Variants in NDUFAF2 observed in about 807,000 individuals in gnomAD.
NDUFAF2 encodes NADH dehydrogenase [ubiquinone] 1 alpha subcomplex assembly factor 2.
Under a neutral mutation model 22.8 loss-of-function variants are expected in NDUFAF2, and 13 were observed. The ratio of observed to expected loss-of-function variants is 0.57; its 90% CI spans 0.37 to 0.91. NDUFAF2 has a LOEUF of 0.91. Ranked by LOEUF, NDUFAF2 falls within the 40% of genes least tolerant of loss-of-function variation. The pLI is 0.01. For missense variants in NDUFAF2, 162 were observed against 195.2 expected, an observed-to-expected ratio of 0.83 and a Z score of 1.01; for synonymous variants, 53 against 64.2, an observed-to-expected ratio of 0.83 and a Z score of 0.84.
chr5:61,114,177 G>A (rs1752878942), intron 3 of NDUFAF2, among the ~76,000 whole-genome samples: 1 of 151,834 alleles, frequency 6.6e-6, no homozygotes, highest in South Asian at 2.1e-4. Context: ...TCTTTTTGAG[G>A]TTATTTTCTA....
chr5:61,052,743 G>T (rs1035260584), intron 1 of NDUFAF2, among the ~76,000 whole-genome samples: 3 of 152,054 alleles, frequency 2.0e-5, no homozygotes, highest in Non-Finnish European at 2.9e-5. Context: ...GTTTTTTTCT[G>T]GAGTATTATA....
intron 3 of NDUFAF2, among the ~76,000 whole-genome samples, chr5:61,149,774 A>C (rs1323997010): frequency 6.6e-6 from 1 of 152,198 alleles, no homozygotes. Context: ...TATTGTTCCA[A>C]GGAATTGGAA....
At chr5:61,027,194 T>C (rs893845111) in intron 1 of NDUFAF2, among the ~76,000 whole-genome samples, 5 of 151,924 alleles carry the variant, frequency 3.3e-5, no homozygotes, top group Non-Finnish European at 7.4e-5. Flanking sequence ...TACAGTTGTT[T>C]TGTTATGTTT....
chr5:61,088,488 G>A (rs1580128558), intron 2 of NDUFAF2, among the ~76,000 whole-genome samples: 1 of 152,040 alleles, frequency 6.6e-6, no homozygotes, highest in East Asian at 1.9e-4. Context: ...AACTTTTATA[G>A]GTGATGGAAA....
intron 1 of NDUFAF2, among the ~76,000 whole-genome samples, chr5:61,033,871 A>T (rs1751759815): frequency 6.6e-6 from 1 of 152,208 alleles, no homozygotes; most frequent in South Asian, 2.1e-4. Flanking sequence ...CTCTTGGGAA[A>T]AACTATACAT....
chr5:61,152,560 T>C, intron 3 of NDUFAF2, 144 bp from the exon 4 acceptor site: 1 of 538,082 alleles, frequency 1.9e-6, no homozygotes, highest in East Asian at 3.9e-5. Context: ...CAAACTTATA[T>C]ACATATCTGT....
intron 1 of NDUFAF2, among the ~76,000 whole-genome samples, chr5:61,039,574 A>G (rs1751845863): frequency 1.3e-5 from 2 of 152,206 alleles, no homozygotes; most frequent in Admixed American, 6.5e-5. Context: ...TGATGATATA[A>G]TGTATACTTA....
At chr5:61,117,772 A>G (rs1204323483) in intron 3 of NDUFAF2, among the ~76,000 whole-genome samples, 2 of 152,136 alleles carry the variant, frequency 1.3e-5, no homozygotes, top group African/African-American at 4.8e-5. Flanking sequence ...CAAATATTTT[A>G]GGGTTTGTGA....
In NDUFAF2 at chr5:61,075,046, C is replaced by T. The variant is rs549380504; in HGVS notation, c.217+1832C>T. 4.6e-5 allele frequency among the ~76,000 whole-genome samples: 7 copies of T among 152,170 alleles called. No individual in the cohort carries two copies. In the East Asian group the frequency reaches 7.8e-4, roughly 17 times the overall value. ...CCATGATCTAGTCACCTCCCTCCTT[C>T]GACACAAGGGGATTACAATTAGAAA... On this transcript the variant is annotated intron_variant, in intron 2 of 3. Coordinates refer to ENST00000296597, the MANE Select transcript of NDUFAF2 (RefSeq NM_174889.5).
intron 1 of NDUFAF2, among the ~76,000 whole-genome samples, chr5:60,986,393 CAGAAA>C (rs1751076861): frequency 6.6e-6 from 1 of 152,068 alleles, no homozygotes; most frequent in Non-Finnish European, 1.5e-5. Context: ...GAAATTAAGG[CAGAAA>C]ACAAGAAGTT....
intron 1 of NDUFAF2, among the ~76,000 whole-genome samples, chr5:61,067,630 G>A (rs1752247196): frequency 6.6e-6 from 1 of 152,172 alleles, no homozygotes; most frequent in Non-Finnish European, 1.5e-5. Context: ...ACGTGTGCAT[G>A]TGTCTTTATA....
intron 3 of NDUFAF2, among the ~76,000 whole-genome samples, chr5:61,136,930 G>A (rs1276249079): frequency 6.6e-6 from 1 of 152,158 alleles, no homozygotes; most frequent in Non-Finnish European, 1.5e-5. Flanking sequence ...ATGGTCCTCA[G>A]ACCAAGAACT....
intron 2 of NDUFAF2, among the ~76,000 whole-genome samples, chr5:61,094,795 T>C (rs1752617931): frequency 1.3e-5 from 2 of 152,230 alleles, no homozygotes; most frequent in South Asian, 2.1e-4. Context: ...ACATCACCAA[T>C]GAAGGCTGCG....
chr5:61,152,602 T>C (rs1386894986), intron 3 of NDUFAF2, 102 bp from the exon 4 acceptor site: 2 of 781,164 alleles, frequency 2.6e-6, no homozygotes, highest in African/African-American at 3.5e-5. Flanking sequence ...TGTATGTATA[T>C]ATTTATATGT....
chr5:61,143,956 ATT>A (rs34809678), intron 3 of NDUFAF2, among the ~76,000 whole-genome samples: 4,815 of 75,578 alleles, frequency 0.064, 141 homozygotes, highest in East Asian at 0.28. Flanking sequence ...GAAATGGCAT[ATT>A]TTTGTGTGTG....
intron 2 of NDUFAF2, among the ~76,000 whole-genome samples, chr5:61,073,992 T>C (rs1238515651): frequency 6.6e-6 from 1 of 152,256 alleles, no homozygotes; most frequent in African/African-American, 2.4e-5. Context: ...TTCCAACAGC[T>C]TTCTGGTTCC....
intron 1 of NDUFAF2, among the ~76,000 whole-genome samples, chr5:60,964,376 A>G (rs1400196774): frequency 2.0e-5 from 3 of 152,044 alleles, no homozygotes; most frequent in Admixed American, 6.6e-5. Flanking sequence ...GCTAATTAAC[A>G]TATGTATTAC....
intron 1 of NDUFAF2, among the ~76,000 whole-genome samples, chr5:61,033,923 C>T (rs764738359): frequency 1.3e-4 from 20 of 152,032 alleles, no homozygotes; most frequent in Non-Finnish European, 2.5e-4. Flanking sequence ...TAATAGCTGA[C>T]GTTATTTTCA....
At chr5:61,035,992 T>A (rs902116273) in intron 1 of NDUFAF2, among the ~76,000 whole-genome samples, 3 of 152,212 alleles carry the variant, frequency 2.0e-5, no homozygotes, top group Non-Finnish European at 4.4e-5. Flanking sequence ...CTCACCGGTT[T>A]AACAGAAGTG....
Sources: gnomAD v4.1 joint callset for allele counts (sites outside exome capture counted in the v4.1 genomes callset) on GRCh38, gnomAD v4.1.1 for gene constraint, MANE v1.5 for transcripts, NCBI Gene and HGNC (gene_info 2026-07-23, HGNC 2026-07-21) for gene names.